Variants in GREB1 observed in about 807,000 individuals in gnomAD.
GREB1 encodes the protein protein GREB1.
Under a neutral mutation model 200.7 loss-of-function variants are expected in GREB1, and 106 were observed. The ratio of observed to expected loss-of-function variants is 0.53; its 90% CI spans 0.45 to 0.62. The LOEUF (loss-of-function observed/expected upper bound fraction) is 0.62. Ranked by LOEUF, GREB1 falls within the 20% of genes least tolerant of loss-of-function variation. The probability of loss-of-function intolerance (pLI) is 0.00; values close to 1 mark genes in which losing one functional copy is unlikely to be tolerated. For synonymous variants in GREB1, 1,132 were observed against 1,092.4 expected, an observed-to-expected ratio of 1.04 and a Z score of -0.72; for missense variants, 2,243 against 2,556.8, an observed-to-expected ratio of 0.88 and a Z score of 2.65.
intron 25 of GREB1, among the ~76,000 whole-genome samples, chr2:11,628,820 C>G (rs1337104223): frequency 2.6e-5 from 4 of 152,058 alleles, no homozygotes; most frequent in African/African-American, 9.7e-5. Context: ...GCCGGCTGGG[C>G]TGTGCCTGGC....
At chr2:11,552,965 G>A (rs796839693) in intron 1 of GREB1, among the ~76,000 whole-genome samples, 9 of 140,288 alleles carry the variant, frequency 6.4e-5, no homozygotes, top group African/African-American at 1.2e-4. Flanking sequence ...AGTCGAGATC[G>A]CGCCACTGCA....
In GREB1 at chr2:11,629,742, G is replaced by A. The variant is rs139037762; in HGVS notation, c.4450-206G>A. On this transcript the variant is annotated intron_variant, in intron 25 of 32. Transcript: ENST00000381486. This position sits in a 1 kb window ranked among gnomAD's most constrained non-coding sequence, Gnocchi z 5.2. ...GGACTGAGGATGGGAGCAGGCTCTC[G>A]TCGTGGGTGTGTGGCCTCGGGCGTG... is the stretch of plus-strand genomic sequence containing the variant. Among the ~76,000 whole-genome samples the A allele has an allele frequency of 9.2e-5, 14 of 152,274 alleles. No homozygotes were observed. Among genetic ancestry groups the A allele is most frequent in the Middle Eastern group, 3.4e-3 (1 of 294 alleles).
At chr2:11,483,048 G>A (rs1672545453) in intron 1 of GREB1, among the ~76,000 whole-genome samples, 1 of 151,568 alleles carries the variant, frequency 6.6e-6, no homozygotes, top group Admixed American at 6.6e-5. Context: ...CTCGGCGCCC[G>A]GCGGGGAAGG....
chr2:11,628,653 A>T (rs1235569376), intron 25 of GREB1, among the ~76,000 whole-genome samples: 1 of 152,206 alleles, frequency 6.6e-6, no homozygotes, highest in Non-Finnish European at 1.5e-5. Context: ...ACAAAAACAT[A>T]CATGAAAACA....
intron 1 of GREB1, among the ~76,000 whole-genome samples, chr2:11,485,259 T>TTATTTTATTATA (rs1368326346): frequency 1.6e-4 from 20 of 124,194 alleles, no homozygotes; most frequent in African/African-American, 6.5e-4. Context: ...TTATTTTATT[T>TTATTTTATTATA]TATATATATA....
intron 1 of GREB1, among the ~76,000 whole-genome samples, chr2:11,513,163 C>A (rs1042758703): frequency 1.3e-5 from 2 of 152,178 alleles, no homozygotes; most frequent in African/African-American, 4.8e-5. Flanking sequence ...TTCTAGAATG[C>A]CCCGAGGATG....
intron 1 of GREB1, among the ~76,000 whole-genome samples, chr2:11,503,931 T>C (rs1280999676): frequency 2.6e-5 from 4 of 152,242 alleles, no homozygotes; most frequent in Non-Finnish European, 5.9e-5. Context: ...CTGGACTATA[T>C]ATATATTGTG....
intron 2 of GREB1, among the ~76,000 whole-genome samples, chr2:11,557,409 T>C (rs1018625161): frequency 3.3e-5 from 5 of 152,236 alleles, no homozygotes; most frequent in Admixed American, 3.3e-4. Context: ...GTTGATGTCT[T>C]TGACTTGAAG....
In GREB1 at chr2:11,501,895, GTTTTTTTTTGTTTTTTTTTTTTTT is replaced by G. The variant is rs1309358372; in HGVS notation, c.-159+19524_-159+19547del. On this transcript the variant is annotated intron_variant, in intron 1 of 2. Coordinates refer to the GREB1 transcript ENST00000628795. ...TTACTTATTAGAGCCTGGATTTCCT[GTTTTTTTTTGTTTTTTTTTTTTTT>G]TTTTTTTTTTTTTTGAGATGGAGTT... is the stretch of plus-strand genomic sequence containing the variant. Among the ~76,000 whole-genome samples, 68 of 45,564 alleles carry G rather than the reference GTTTTTTTTTGTTTTTTTTTTTTTT, an allele frequency of 1.5e-3. 2 individuals carry two copies. The highest frequency in any genetic ancestry group is 1.1e-3 in the Non-Finnish European group (28 of 26,150). The allele number at this position is 45,564 out of a possible 152,430, so 29.9% of individuals were successfully genotyped here. A position where few individuals can be genotyped will look rare whatever the true frequency, so the allele number is the denominator to read the frequency against.
At chr2:11,540,217 C>G (rs1182524738) in intron 1 of GREB1, 4 of 152,226 alleles carry the variant, frequency 2.6e-5, no homozygotes, top group Non-Finnish European at 5.9e-5. Context: ...AATGGCAAAG[C>G]ATTGGCCCTT....
At position 11,593,080 on chromosome 2, in the gene GREB1, C is replaced by T. The variant is rs775413015; in HGVS notation, c.1650C>T (p.Ile550=). The T allele has an allele frequency of 1.2e-6, 2 of 1,610,564 alleles. No individual in the cohort carries two copies. The highest frequency in any genetic ancestry group is 1.7e-6 in the Non-Finnish European group (2 of 1,178,904). ...KLAKTNYVVI[I]CACRSAAIDS... is the part of the protein sequence containing the mutation. ...CCAAGACCAACTACGTGGTCATCAT[C>T]TGCGCCTGCCGCAGCGCGGCCATCG... Residue 550 remains isoleucine, a synonymous_variant, in exon 11 of 33, where the codon ATC becomes ATT. Transcript: ENST00000381486.
chr2:11,622,371 G>A (rs1053800507), intron 23 of GREB1, among the ~76,000 whole-genome samples: 7 of 152,284 alleles, frequency 4.6e-5, no homozygotes, highest in African/African-American at 1.7e-4. Flanking sequence ...GTGAGCCACC[G>A]TGCTTGGCCA....
chr2:11,527,757 A>G (rs914693461), intron 1 of GREB1, among the ~76,000 whole-genome samples: 1 of 152,222 alleles, frequency 6.6e-6, no homozygotes, highest in African/African-American at 2.4e-5. Context: ...CTACGGGAAG[A>G]CAGACACTGA....
chr2:11,590,152 A>G (rs1680583609), intron 10 of GREB1, among the ~76,000 whole-genome samples: 1 of 152,142 alleles, frequency 6.6e-6, no homozygotes, highest in African/African-American at 2.4e-5. Flanking sequence ...AGGACAGTGG[A>G]GAATCTGGGA....
intron 1 of GREB1, among the ~76,000 whole-genome samples, chr2:11,524,052 C>T (rs111515834): frequency 4.5e-5 from 4 of 88,328 alleles, no homozygotes; most frequent in African/African-American, 4.4e-4. Context: ...CATGCACACT[C>T]ACACACACAC....
chr2:11,631,911 C>G lies in GREB1; in HGVS notation c.4614C>G (p.Ser1538Arg). 1 of 1,611,456 alleles carries G rather than the reference C, an allele frequency of 6.2e-7. No homozygotes were observed. The highest frequency in any genetic ancestry group is 8.5e-7 in the Non-Finnish European group (1 of 1,177,870). ...SMRLPLVTDK[S>R]HEYIKSPTFT... ...CTCATGATACCTGTACTTTGCAGAG[C>G]CATGAATATATAAAAAGTCCGACAT... The change falls in exon 27 of 33, where the codon AGC (serine) becomes AGG (arginine). Residue 1538 changes from serine (S) to arginine (R), a missense_variant and splice_region_variant. By Grantham distance (110) the Ser-to-Arg change is moderately radical (BLOSUM62 -1). Coordinates refer to ENST00000381486, the MANE Select transcript of GREB1 (RefSeq NM_014668.4).
intron 4 of GREB1, among the ~76,000 whole-genome samples, chr2:11,566,967 G>A (rs1470558338): frequency 6.6e-6 from 1 of 152,196 alleles, no homozygotes; most frequent in Non-Finnish European, 1.5e-5. Context: ...GTCCTAGGCA[G>A]TCTCAGAAAC....
intron 1 of GREB1, among the ~76,000 whole-genome samples, chr2:11,539,137 C>G (rs1463061994): frequency 6.6e-6 from 1 of 151,050 alleles, no homozygotes; most frequent in Non-Finnish European, 1.5e-5. Context: ...ACTGCACCCT[C>G]TGCCTCCTGG....
In GREB1 at chr2:11,641,181, G is replaced by A; in HGVS notation, c.*727G>A. 1 of 152,100 alleles carries A rather than the reference G, an allele frequency of 6.6e-6. No individual in the cohort carries two copies. The allele number at this position is 152,100 out of a possible 1,614,324, so 9.4% of individuals were successfully genotyped here. ...CGGGGAGGAAATAAGGCTAACAGAG[G>A]TTGACCTAAAATTAGCCTTACAAAG... On this transcript the variant is annotated 3_prime_UTR_variant, in exon 33 of 33. Coordinates refer to ENST00000381486, the MANE Select transcript of GREB1 (RefSeq NM_014668.4).
Sources: gnomAD v4.1 joint callset for allele counts (sites outside exome capture counted in the v4.1 genomes callset) on GRCh38, gnomAD v4.1.1 for gene constraint, Gnocchi (gnomAD v3.1) non-coding constraint, MANE v1.5 for transcripts, NCBI Gene and HGNC (gene_info 2026-07-23, HGNC 2026-07-21) for gene names.